Variants in ERCC6L observed in about 807,000 individuals in gnomAD.
ERCC6L encodes DNA excision repair protein ERCC-6-like.
ERCC6L carries 7 observed loss-of-function variants against 20.1 expected under a neutral mutation model. The ratio of observed to expected loss-of-function variants is 0.35; its 90% CI spans 0.20 to 0.65. The LOEUF is 0.65. ERCC6L is among the 30% of genes least tolerant of loss of function. The pLI is 0.69. For missense variants in ERCC6L, 592 were observed against 892.4 expected (o/e 0.66, Z 4.29); for synonymous variants, 278 against 331.3 (o/e 0.84, Z 1.75).
chrX:72,214,375 A>G (rs778635075), intron 1 of ERCC6L, among the ~76,000 whole-genome samples: 1 of 112,513 alleles, frequency 8.9e-6, no homozygotes, highest in African/African-American at 3.2e-5. Context: ...AGTCAAAAAA[A>G]CAAACAATGT....
chrX:72,218,285 AT>A (rs1432378120), intron 1 of ERCC6L, among the ~76,000 whole-genome samples: 1 of 106,772 alleles, frequency 9.4e-6, no homozygotes, highest in Non-Finnish European at 1.9e-5. Context: ...AAAAAAAAAA[AT>A]TAATAATAGA....
chrX:72,205,680 A>C lies in ERCC6L; in HGVS notation c.3087T>G (p.Asp1029Glu), dbSNP rs1468681436. The change falls in exon 2 of 2, where the codon GAT becomes GAG. Residue 1029 changes from aspartate to glutamate, a missense_variant. Physicochemically the swap from Asp to Glu is conservative, Grantham distance 45 (BLOSUM62 2). Coordinates refer to ENST00000334463, the MANE Select transcript of ERCC6L (RefSeq NM_017669.4). Reference sequence around the variant, plus strand: ...TAAAAGAATCATCTTCATCTTCGCCATCTGAAACAATCCTTCTAGCTTTAC... The same window carrying C: ...TAAAAGAATCATCTTCATCTTCGCCCTCTGAAACAATCCTTCTAGCTTTAC... The part of the protein sequence containing the change: ...IRSKARRIVS[D>E]GEDEDDSFKD... 1 of 1,211,938 alleles carries C rather than the reference A, an allele frequency of 8.3e-7. No homozygotes were observed. Among genetic ancestry groups the C allele is most frequent in the Admixed American group, 2.2e-5 (1 of 46,026 alleles).
intron 1 of ERCC6L, among the ~76,000 whole-genome samples, chrX:72,210,958 G>A (rs2042850714): frequency 9.0e-6 from 1 of 110,866 alleles, no homozygotes; most frequent in Non-Finnish European, 1.9e-5. Context: ...TTGGACCTAG[G>A]ATGGTATTCT....
Position 72,208,412 on chromosome X carries a change from T to C in ERCC6L, c.355A>G (p.Ile119Val). 8.3e-7 allele frequency: 1 copy of C among 1,211,922 alleles called. No individual in the cohort carries two copies. The highest frequency in any genetic ancestry group is 1.1e-6 in the Non-Finnish European group (1 of 895,550). ...SLYRDGRKGG[I>V]LADDMGLGKT... ...CCTAATCCCATATCATCAGCCAATA[T>C]ACCACCTTTTCTTCCATCCCTATAC... The change falls in exon 2 of 2, where the codon ATA becomes GTA. Residue 119 changes from isoleucine (I) to valine (V), a missense_variant. Ile to Val is a conservative substitution (Grantham distance 29). Transcript: ENST00000334463.
intron 1 of ERCC6L, among the ~76,000 whole-genome samples, chrX:72,209,631 T>C (rs2042841015): frequency 1.8e-5 from 2 of 111,361 alleles, no homozygotes; most frequent in Admixed American, 1.9e-4. Flanking sequence ...CTACTACCAT[T>C]ACTGTGGCCC....
intron 1 of ERCC6L, among the ~76,000 whole-genome samples, chrX:72,209,016 C>A (rs2042837270): frequency 9.0e-6 from 1 of 111,537 alleles, no homozygotes; most frequent in Admixed American, 9.5e-5. Context: ...TAAAACAAAC[C>A]TCTATGTGTA....
chrX:72,233,822 G>T (rs937030569), intron 1 of ERCC6L, among the ~76,000 whole-genome samples: 1 of 103,853 alleles, frequency 9.6e-6, no homozygotes, highest in South Asian at 4.3e-4. Flanking sequence ...TAAGAATATG[G>T]TTTTTTTTTT....
chrX:72,232,273 TAAAAAAAA>T (rs56070381), intron 1 of ERCC6L, among the ~76,000 whole-genome samples: 2 of 61,435 alleles, frequency 3.3e-5, no homozygotes, highest in Admixed American at 2.0e-4. Context: ...GAAGGAGTAT[TAAAAAAAA>T]AAAAAAAAAA....
In ERCC6L at chrX:72,204,836, A is replaced by G. The variant is rs936807487; in HGVS notation, c.*178T>C. 1 of 338,169 alleles carries G rather than the reference A, an allele frequency of 3.0e-6. No individual in the cohort carries two copies. Among genetic ancestry groups the G allele is most frequent in the Non-Finnish European group, 5.1e-6 (1 of 196,619 alleles). 27.9% of individuals were successfully genotyped at this position (338,169 alleles called of 1,213,427 possible). ...AAGAATATTCAAGTGAAGAAATATTAAGCTAGTGCTCAGAATACCAGACTA... is the reference window on the plus strand; with the variant it reads ...AAGAATATTCAAGTGAAGAAATATTGAGCTAGTGCTCAGAATACCAGACTA... On this transcript the variant is annotated 3_prime_UTR_variant, in exon 2 of 2. Transcript: ENST00000334463.
Position 72,205,416 on chromosome X carries a change from G to T in ERCC6L, c.3351C>A (p.Ser1117Arg). Residue 1117 changes from serine (S) to arginine (R), a missense_variant, in exon 2 of 2, where the codon AGC becomes AGA. By Grantham distance (110) the Ser-to-Arg change is moderately radical (BLOSUM62 -1). Around this residue, in one of 3 missense-constraint regions of ERCC6L, gnomAD observed 352 missense variants for 402.6 expected, o/e 0.87. Transcript: ENST00000334463. ...AATCTTCAGGACCCTTTGCTTCACT[G>T]CTGTCGTCAAGTCTTTCCTCCATGT... is the stretch of plus-strand genomic sequence containing the variant. ...VEDMEERLDDSSEAKGPEDYP... is the reference protein window; with the variant it reads ...VEDMEERLDDRSEAKGPEDYP... The T allele has an allele frequency of 8.3e-7, 1 of 1,211,718 alleles. No individual in the cohort carries two copies. Among genetic ancestry groups the T allele is most frequent in the Non-Finnish European group, 1.1e-6 (1 of 895,515 alleles).
chrX:72,213,048 T>G (rs1047547620), intron 1 of ERCC6L, among the ~76,000 whole-genome samples: 8 of 112,434 alleles, frequency 7.1e-5, no homozygotes, highest in Non-Finnish European at 1.5e-4. Context: ...TGCTCTTTGT[T>G]TTGTAATCTG....
chrX:72,232,960 G>A (rs2042994185), intron 1 of ERCC6L, among the ~76,000 whole-genome samples: 1 of 110,791 alleles, frequency 9.0e-6, no homozygotes, highest in Non-Finnish European at 1.9e-5. Context: ...ACTGATTTGA[G>A]CAATAATTAT....
At chrX:72,226,283 A>G (rs2042953394) in intron 1 of ERCC6L, among the ~76,000 whole-genome samples, 1 of 111,770 alleles carries the variant, frequency 8.9e-6, no homozygotes, top group African/African-American at 3.3e-5. Context: ...ATGGCAGTGC[A>G]TCAGAAAACC....
In ERCC6L at chrX:72,219,705, C is replaced by T. The variant is rs148175204; in HGVS notation, c.69-11007G>A. Reference sequence around the variant, plus strand: ...TCTACTAAAAATACAAAAAAATTAGCGGGCGTGGTGGTGCACGCCTGTCAT... The same window carrying T: ...TCTACTAAAAATACAAAAAAATTAGTGGGCGTGGTGGTGCACGCCTGTCAT... On this transcript the variant is annotated intron_variant, in intron 1 of 1. Transcript: ENST00000334463. 2.4e-3 allele frequency among the ~76,000 whole-genome samples: 260 copies of T among 106,236 alleles called. 7 individuals carry two copies. The East Asian group carries it at 0.054, about 22-fold the overall frequency. 92.3% of individuals were successfully genotyped at this position (106,236 alleles called of 115,157 possible).
rs771456778 is a variant in ERCC6L, at chrX:72,233,822, G to GT, written c.68+5021dup. ...GGCATGGTGGTTTTGTAAGAATATG[G>GT]TTTTTTTTTTGACCGGGCAAGGGGG... On this transcript the variant is annotated intron_variant, in intron 1 of 1. Transcript: ENST00000334463. Among the ~76,000 whole-genome samples, 73 of 103,844 alleles carry GT rather than the reference G, an allele frequency of 7.0e-4. 3 individuals are homozygous for GT. Among genetic ancestry groups the GT allele is most frequent in the Admixed American group, 4.1e-3 (39 of 9,585 alleles). 90.2% of individuals were successfully genotyped at this position (103,844 alleles called of 115,157 possible).
In ERCC6L at chrX:72,226,516, C is replaced by G. The variant is rs139385227; in HGVS notation, c.68+12328G>C. Reference sequence around the variant, plus strand: ...TCCATTCCAATGCCCAAATTTGGAGCGAGCGGGGCTATGTCACGGCTAAGG... The same window carrying G: ...TCCATTCCAATGCCCAAATTTGGAGGGAGCGGGGCTATGTCACGGCTAAGG... On this transcript the variant is annotated intron_variant, in intron 1 of 1. Coordinates refer to ENST00000334463, the MANE Select transcript of ERCC6L (RefSeq NM_017669.4). 9.0e-3 allele frequency among the ~76,000 whole-genome samples: 1,007 copies of G among 112,107 alleles called. 5 individuals carry two copies. The highest frequency in any genetic ancestry group is 0.015 in the Admixed American group (157 of 10,556).
At chrX:72,219,722 G>A (rs987030819) in intron 1 of ERCC6L, among the ~76,000 whole-genome samples, 15 of 108,949 alleles carry the variant, frequency 1.4e-4, no homozygotes, top group Non-Finnish European at 1.5e-4. Context: ...GGTGGTGCAC[G>A]CCTGTCATCC....
At chrX:72,220,069 C>T (rs1192322684) in intron 1 of ERCC6L, among the ~76,000 whole-genome samples, 5 of 110,321 alleles carry the variant, frequency 4.5e-5, no homozygotes, top group Admixed American at 3.9e-4. Context: ...TTTTGTATCA[C>T]GAAAAGGTGC....
intron 1 of ERCC6L, among the ~76,000 whole-genome samples, chrX:72,232,560 G>A (rs190058002): frequency 6.9e-4 from 77 of 112,267 alleles, no homozygotes; most frequent in Non-Finnish European, 2.6e-4. Flanking sequence ...TGTAATCCCA[G>A]CACTTGGGGA....
Sources: allele counts gnomAD v4.1 joint callset (sites outside exome capture counted in the v4.1 genomes callset), GRCh38; gene constraint gnomAD v4.1.1; regional missense constraint gnomAD v4.1.1; transcripts MANE v1.5; gene names NCBI Gene and HGNC (gene_info 2026-07-23, HGNC 2026-07-21).